The following PLCB3 variants were observed in gnomAD, a reference collection of about 807,000 sequenced individuals.
PLCB3 encodes phospholipase C beta 3.
A neutral mutation model predicts 152.1 loss-of-function variants in PLCB3; 54 were observed. The observed-to-expected ratio is 0.36, with a 90% CI of 0.29 to 0.45. The LOEUF is 0.45. Among genes scored for constraint, PLCB3 ranks in the 20% least tolerant of loss-of-function variants. The probability of loss-of-function intolerance (pLI) is 1.00; values close to 1 mark genes in which losing one functional copy is unlikely to be tolerated. For synonymous variants in PLCB3, 717 were observed against 698.7 expected, an observed-to-expected ratio of 1.03 and a Z score of -0.41; for missense variants, 1,248 against 1,687.5, an observed-to-expected ratio of 0.74 and a Z score of 4.56.
chr11:64,259,916 A>G, intron 13 of PLCB3, 113 bp from the exon 14 acceptor site: 1 of 822,436 alleles, frequency 1.2e-6, no homozygotes. Context: ...CCCTGAGAGT[A>G]CCCCTTGAAT....
Position 64,255,480 on chromosome 11 carries a change from C to G in PLCB3, c.521+31C>G. 1 of 1,614,078 alleles carries G rather than the reference C, an allele frequency of 6.2e-7. No individual in the cohort carries two copies. The highest frequency in any genetic ancestry group is 1.1e-5 in the South Asian group (1 of 91,084). On this transcript the variant is annotated intron_variant, in intron 6 of 30. Transcript: ENST00000279230. This position sits in a 1 kb window ranked among gnomAD's most constrained non-coding sequence, Gnocchi z 6.8. ...CACCCCTTCCCCCAGCACCTTCCTC[C>G]TGCCCTGACCTTGGTGACCTTTGTC... is the stretch of plus-strand genomic sequence containing the variant.
downstream of PLCB3, chr11:64,268,830 A>G (rs753948641): frequency 1.3e-5 from 2 of 152,206 alleles, no homozygotes; most frequent in Non-Finnish European, 2.9e-5. Flanking sequence ...CCAATTGAGT[A>G]TCTTCTTTGC....
In PLCB3 at chr11:64,264,932, T is replaced by C; in HGVS notation, c.2653-19T>C. 1 of 1,612,624 alleles carries C rather than the reference T, an allele frequency of 6.2e-7. No individual in the cohort carries two copies. Among genetic ancestry groups the C allele is most frequent in the Non-Finnish European group, 8.5e-7 (1 of 1,179,404 alleles). On this transcript the variant is annotated intron_variant, in intron 22 of 30. Transcript: ENST00000279230. ...GGGAACAGCATTTCTGAAAAGAGCATTCTCCTTTCTCCCTATAGGCTCAGG... is the reference window on the plus strand; with the variant it reads ...GGGAACAGCATTTCTGAAAAGAGCACTCTCCTTTCTCCCTATAGGCTCAGG...
intron 18 of PLCB3, 30 bp from the exon 19 acceptor site, chr11:64,262,617 T>A: frequency 1.2e-6 from 2 of 1,612,622 alleles, no homozygotes; most frequent in Non-Finnish European, 1.7e-6. Context: ...ACTCTCAGCA[T>A]CCGCCTCACC....
In PLCB3 at chr11:64,265,333, G is replaced by A. The variant is rs752690042; in HGVS notation, c.2866G>A (p.Glu956Lys). 3.1e-6 allele frequency: 5 copies of A among 1,602,708 alleles called. No individual in the cohort carries two copies. In the East Asian group the frequency reaches 9.0e-5, roughly 29 times the overall value. Residue 956 changes from glutamate to lysine, a missense_variant, in exon 25 of 31, where the codon GAG becomes AAG. This residue lies in a region of PLCB3 where 477 missense variants were observed against 489.6 expected (regional missense o/e 0.97). Coordinates refer to ENST00000279230, the MANE Select transcript of PLCB3 (RefSeq NM_000932.5). ...LSEVAPTPLD[E>K]LRGHKALVKL... ...AGAGGTGGCCCCCACCCCGCTGGAT[G>A]AGCTCCGAGGTCACAAGGCTCTGGT...
In PLCB3 at chr11:64,267,531, G is replaced by T. The variant is rs779604089; in HGVS notation, c.3680G>T (p.Ser1227Ile). 3 of 1,565,396 alleles carry T rather than the reference G, an allele frequency of 1.9e-6. No homozygotes were observed. The highest frequency in any genetic ancestry group is 1.8e-5 in the Admixed American group (1 of 54,330). Residue 1227 changes from serine to isoleucine, a missense_variant, in exon 31 of 31, where the codon AGC (serine) becomes ATC (isoleucine). Coordinates refer to ENST00000279230, the MANE Select transcript of PLCB3 (RefSeq NM_000932.5). This position sits in a 1 kb window ranked among gnomAD's most constrained non-coding sequence, Gnocchi z 5.2. ...SGHLSGADSE[S>I]QEENTQL is the part of the protein sequence containing the mutation. ...CACCTGTCGGGCGCTGACTCGGAGA[G>T]CCAGGAGGAGAACACGCAGCTCTGA...
In PLCB3 at chr11:64,256,616, A is replaced by G; in HGVS notation, c.866-2A>G. On this transcript the variant is annotated splice_acceptor_variant, in intron 9 of 30. Transcript: ENST00000279230. LOFTEE classifies it high-confidence loss of function. ...GACCCTGCTGATCCTCTCCCACCCC[A>G]GACCAGATGTCCATGGAGGGCTTTA... is the stretch of plus-strand genomic sequence containing the variant. 1 of 1,614,142 alleles carries G rather than the reference A, an allele frequency of 6.2e-7. No homozygotes were observed. Among genetic ancestry groups the G allele is most frequent in the Non-Finnish European group, 8.5e-7 (1 of 1,180,008 alleles).
At position 64,255,965 on chromosome 11, in the gene PLCB3, G is replaced by A. The variant is rs191399198; in HGVS notation, c.698+144G>A. Reference sequence around the variant, plus strand: ...GCGGAGGGGTGCCCAGGGAGAACCTGTCGGTGATGTTCCTGTACTCAGACC... The same window carrying A: ...GCGGAGGGGTGCCCAGGGAGAACCTATCGGTGATGTTCCTGTACTCAGACC... On this transcript the variant is annotated intron_variant, in intron 8 of 30. Coordinates refer to ENST00000279230, the MANE Select transcript of PLCB3 (RefSeq NM_000932.5). This position sits in a 1 kb window ranked among gnomAD's most constrained non-coding sequence, Gnocchi z 6.8. The A allele has an allele frequency of 3.5e-5, 23 of 660,046 alleles. No individual in the cohort carries two copies. In the Admixed American group the frequency reaches 4.6e-4, roughly 13 times the overall value. The allele number at this position is 660,046 out of a possible 1,614,324, so 40.9% of individuals were successfully genotyped here.
intron 20 of PLCB3, 45 bp downstream of exon 20, chr11:64,263,642 G>T: frequency 6.2e-7 from 1 of 1,603,892 alleles, no homozygotes. Flanking sequence ...GCAGTGGGTA[G>T]GGCCCCCACC....
chr11:64,261,420 G>A lies in PLCB3; in HGVS notation c.1752G>A (p.Val584=), dbSNP rs1462794080. The change falls in exon 15 of 31, where the codon GTG becomes GTA. Residue 584 remains valine, a synonymous_variant. Transcript: ENST00000279230. The part of the protein sequence containing the change: ...TTDEGTASSE[V]NATEEMSTLV... ...CACAGGGCACAGCCAGCAGCGAGGT[G>A]AATGCCACTGAGGAGATGTCCACGC... The A allele has an allele frequency of 1.9e-6, 3 of 1,614,020 alleles. No individual in the cohort carries two copies. The South Asian group carries it at 3.3e-5, about 18-fold the overall frequency.
rs1464759993 is a variant in PLCB3 at position 64,266,960 on chromosome 11, A to AT, written c.3415-218dup. Among the ~76,000 whole-genome samples, 2 of 152,060 alleles carry AT rather than the reference A, an allele frequency of 1.3e-5. No homozygotes were observed. The highest frequency in any genetic ancestry group is 2.9e-5 in the Non-Finnish European group (2 of 67,986). On this transcript the variant is annotated intron_variant, in intron 29 of 30. Transcript: ENST00000279230. This position sits in a 1 kb window ranked among gnomAD's most constrained non-coding sequence, Gnocchi z 4.9. ...AGGCATCCGCCACCATGCCTGGCTA[A>AT]TTTTTTTATTTTTAGTAGAGATGGG...
chr11:64,263,768 T>G lies in PLCB3; in HGVS notation c.2533T>G (p.Ser845Ala). The change falls in exon 21 of 31, where the codon TCG becomes GCG. Residue 845 changes from serine to alanine, a missense_variant. Around this residue, in one of 6 missense-constraint regions of PLCB3, gnomAD observed 244 missense variants for 424.4 expected, o/e 0.57. Transcript: ENST00000279230. The part of the protein sequence containing the change: ...LPALLIYTEA[S>A]DYIPDDHQDY... ...GGCCCTGCTCATCTACACCGAAGCC[T>G]CGGACTACATTCCTGACGACCACCA... is the stretch of plus-strand genomic sequence containing the variant. 2 of 1,613,266 alleles carry G rather than the reference T, an allele frequency of 1.2e-6. No homozygotes were observed. Among genetic ancestry groups the G allele is most frequent in the Non-Finnish European group, 1.7e-6 (2 of 1,179,860 alleles).
chr11:64,266,127 C>A lies in PLCB3; in HGVS notation c.3191C>A (p.Ala1064Asp), dbSNP rs1026415025. 2 of 1,614,122 alleles carry A rather than the reference C, an allele frequency of 1.2e-6. No individual in the cohort carries two copies. The highest frequency in any genetic ancestry group is 3.3e-5 in the Admixed American group (2 of 60,028). ...AQRRLEHLRQALQRLREVVLD... is the reference protein window; with the variant it reads ...AQRRLEHLRQDLQRLREVVLD... ...CCTGTCAGCTCCCTGTGTCCACAGGCTCTGCAGCGGCTCAGGGAGGTCGTC... is the reference window on the plus strand; with the variant it reads ...CCTGTCAGCTCCCTGTGTCCACAGGATCTGCAGCGGCTCAGGGAGGTCGTC... Residue 1064 changes from alanine to aspartate, a missense_variant and splice_region_variant, in exon 27 of 31, where the codon GCT becomes GAT. By Grantham distance (126) the Ala-to-Asp change is moderately radical. Around this residue, in one of 6 missense-constraint regions of PLCB3, gnomAD observed 477 missense variants for 489.6 expected, o/e 0.97. Transcript: ENST00000279230. This position sits in a 1 kb window ranked among gnomAD's most constrained non-coding sequence, Gnocchi z 4.9.
chr11:64,267,593 C>A lies in PLCB3; in HGVS notation c.*37C>A. The A allele has an allele frequency of 1.4e-6, 2 of 1,402,100 alleles. No homozygotes were observed. Among genetic ancestry groups the A allele is most frequent in the Non-Finnish European group, 1.9e-6 (2 of 1,026,848 alleles). The allele number at this position is 1,402,100 out of a possible 1,614,324, so 86.9% of individuals were successfully genotyped here. A position where few individuals can be genotyped will look rare whatever the true frequency, so the allele number is the denominator to read the frequency against. The stretch of plus-strand genomic sequence containing the variant: ...GAGGTGGCCACAGGGCCAGGGCGGG[C>A]GCTGGGTGGAGGGCAGGAGGCAATG... On this transcript the variant is annotated 3_prime_UTR_variant, in exon 31 of 31. Coordinates refer to ENST00000279230, the MANE Select transcript of PLCB3 (RefSeq NM_000932.5). This position sits in a 1 kb window ranked among gnomAD's most constrained non-coding sequence, Gnocchi z 5.2.
chr11:64,266,128 T>C lies in PLCB3; in HGVS notation c.3192T>C (p.Ala1064=). 1 of 1,614,066 alleles carries C rather than the reference T, an allele frequency of 6.2e-7. No individual in the cohort carries two copies. Among genetic ancestry groups the C allele is most frequent in the Non-Finnish European group, 8.5e-7 (1 of 1,180,002 alleles). The stretch of plus-strand genomic sequence containing the variant: ...CTGTCAGCTCCCTGTGTCCACAGGC[T>C]CTGCAGCGGCTCAGGGAGGTCGTCC... ...AQRRLEHLRQ[A]LQRLREVVLD... is the part of the protein sequence containing the mutation. The change falls in exon 27 of 31, where the codon GCT becomes GCC. Residue 1064 remains alanine, a splice_region_variant and synonymous_variant. Coordinates refer to ENST00000279230, the MANE Select transcript of PLCB3 (RefSeq NM_000932.5). The surrounding 1 kb of genome is among the most constrained non-coding windows in gnomAD (Gnocchi z 4.9).
Position 64,256,600 on chromosome 11 carries a change from G to A in PLCB3, c.866-18G>A. 6.2e-7 allele frequency: 1 copy of A among 1,613,772 alleles called. No individual in the cohort carries two copies. Among genetic ancestry groups the A allele is most frequent in the Non-Finnish European group, 8.5e-7 (1 of 1,179,792 alleles). ...AGGTGGGACCCCAGCTGACCCTGCTGATCCTCTCCCACCCCAGACCAGATG... is the reference window on the plus strand; with the variant it reads ...AGGTGGGACCCCAGCTGACCCTGCTAATCCTCTCCCACCCCAGACCAGATG... On this transcript the variant is annotated intron_variant, in intron 9 of 30. Coordinates refer to ENST00000279230, the MANE Select transcript of PLCB3 (RefSeq NM_000932.5).
At position 64,267,200 on chromosome 11, in the gene PLCB3, A is replaced by G; in HGVS notation, c.3430A>G (p.Lys1144Glu). The change falls in exon 30 of 31, where the codon AAG becomes GAG. Residue 1144 changes from lysine to glutamate, a missense_variant. Physicochemically the swap from Lys to Glu is moderately conservative, Grantham distance 56 (BLOSUM62 1). Transcript: ENST00000279230. The surrounding 1 kb of genome is among the most constrained non-coding windows in gnomAD (Gnocchi z 5.2). The part of the protein sequence containing the change: ...NSIRRLEEAQ[K>E]QRHDRLVAGQ... ...ACCCCTGTAGCTGGAGGAGGCCCAG[A>G]AGCAGCGGCATGACCGTCTTGTGGC... is the stretch of plus-strand genomic sequence containing the variant. 6.5e-7 allele frequency: 1 copy of G among 1,550,332 alleles called. No homozygotes were observed. The highest frequency in any genetic ancestry group is 8.7e-7 in the Non-Finnish European group (1 of 1,146,974).
chr11:64,259,560 T>C (rs1287393453), intron 13 of PLCB3, among the ~76,000 whole-genome samples: 1 of 152,106 alleles, frequency 6.6e-6, no homozygotes, highest in African/African-American at 2.4e-5. Flanking sequence ...CATCCCACAC[T>C]GGGTGTGACC....
Position 64,258,760 on chromosome 11 carries a change from TC to T in PLCB3, c.1253+49del, listed in dbSNP as rs755062861. Reference sequence around the variant, plus strand: ...AACCCCATGGACCGGGGGACAGTCTTCCAGCTTCAGTGCTGTTGGACTGCTC... The same window carrying T: ...AACCCCATGGACCGGGGGACAGTCTTCAGCTTCAGTGCTGTTGGACTGCTC... On this transcript the variant is annotated intron_variant, in intron 11 of 30. Transcript: ENST00000279230. This position sits in a 1 kb window ranked among gnomAD's most constrained non-coding sequence, Gnocchi z 7.2. 6.2e-7 allele frequency: 1 copy of T among 1,609,666 alleles called. No homozygotes were observed. The highest frequency in any genetic ancestry group is 1.1e-5 in the South Asian group (1 of 90,848).
Sources: allele counts gnomAD v4.1 joint callset (sites outside exome capture counted in the v4.1 genomes callset), GRCh38; gene constraint gnomAD v4.1.1; regional missense constraint gnomAD v4.1.1; non-coding constraint Gnocchi (gnomAD v3.1); transcripts MANE v1.5; gene names NCBI Gene and HGNC (gene_info 2026-07-23, HGNC 2026-07-21).